Variants in LRRC4C observed in about 807,000 individuals in gnomAD.
The protein encoded by LRRC4C is leucine rich repeat containing 4C.
In LRRC4C, 5 loss-of-function variants were observed where a neutral mutation model predicts 33.6. The ratio of observed to expected loss-of-function variants is 0.15; its 90% CI spans 0.08 to 0.31. The LOEUF (loss-of-function observed/expected upper bound fraction) is 0.31. LRRC4C is among the 10% of genes least tolerant of loss of function. The pLI, the probability that LRRC4C is intolerant of heterozygous loss-of-function variation, is 1.00. For missense variants in LRRC4C, 560 were observed against 796.7 expected (o/e 0.70, Z 3.58); for synonymous variants, 329 against 302.0 (o/e 1.09, Z -0.93).
intron 4 of LRRC4C, among the ~76,000 whole-genome samples, chr11:40,282,182 C>T (rs1943522972): frequency 6.6e-6 from 1 of 152,168 alleles, no homozygotes; most frequent in African/African-American, 2.4e-5. Context: ...AACCCTGTCT[C>T]TAAAATACAA....
intron 1 of LRRC4C, among the ~76,000 whole-genome samples, chr11:41,308,303 G>T (rs1542201): frequency 0.13 from 19,354 of 152,130 alleles, 1,358 homozygotes; most frequent in Middle Eastern, 0.24. Context: ...CCTGGTGAAA[G>T]ATTTTTTTTT....
chr11:40,560,427 T>G (rs1957502648), intron 3 of LRRC4C, among the ~76,000 whole-genome samples: 1 of 132,414 alleles, frequency 7.6e-6, no homozygotes, highest in East Asian at 2.5e-4. Flanking sequence ...CAACCAATGA[T>G]GTGTGTGCCT....
chr11:40,827,983 C>A (rs552058529), intron 2 of LRRC4C, among the ~76,000 whole-genome samples: 1 of 151,710 alleles, frequency 6.6e-6, no homozygotes, highest in South Asian at 2.1e-4. Context: ...TGTTTAGATT[C>A]TTTTAGAGTC....
At chr11:40,803,470 C>A (rs1255405312) in intron 2 of LRRC4C, among the ~76,000 whole-genome samples, 1 of 151,998 alleles carries the variant, frequency 6.6e-6, no homozygotes, top group Non-Finnish European at 1.5e-5. Flanking sequence ...TTACTATGTC[C>A]CAGAAATTGG....
intron 2 of LRRC4C, among the ~76,000 whole-genome samples, chr11:40,870,177 T>C (rs933748048): frequency 3.3e-5 from 5 of 152,194 alleles, no homozygotes; most frequent in African/African-American, 1.2e-4. Context: ...TAAAGTTATA[T>C]AAAAATATTA....
At chr11:40,649,475 G>T (rs1014448573) in intron 2 of LRRC4C, among the ~76,000 whole-genome samples, 1 of 152,096 alleles carries the variant, frequency 6.6e-6, no homozygotes. Context: ...AGACCATATG[G>T]TTGTCTCCCC....
chr11:40,751,856 A>G (rs1178120318), intron 2 of LRRC4C, among the ~76,000 whole-genome samples: 2 of 152,182 alleles, frequency 1.3e-5, no homozygotes, highest in African/African-American at 4.8e-5. Context: ...TTCAAAATAT[A>G]TTACTAGGCT....
chr11:40,630,724 A>T (rs1352031444), intron 3 of LRRC4C, among the ~76,000 whole-genome samples: 3 of 152,170 alleles, frequency 2.0e-5, no homozygotes, highest in Non-Finnish European at 4.4e-5. Flanking sequence ...TCACCAGAAC[A>T]TAACCAAGTT....
chr11:41,428,943 C>T (rs938754298), intron 1 of LRRC4C, among the ~76,000 whole-genome samples: 3 of 152,212 alleles, frequency 2.0e-5, no homozygotes, highest in Middle Eastern at 3.4e-3. Flanking sequence ...AACATCTACA[C>T]AGAGTTCAAT....
At chr11:41,269,272 C>T (rs1408153955) in intron 1 of LRRC4C, among the ~76,000 whole-genome samples, 1 of 1,274 alleles carries the variant, frequency 7.8e-4, no homozygotes, top group African/African-American at 1.6e-3. Context: ...AAATTGGGCT[C>T]CTTTTATTAT....
chr11:40,399,120 A>G (rs898740774), intron 3 of LRRC4C, among the ~76,000 whole-genome samples: 3 of 152,156 alleles, frequency 2.0e-5, no homozygotes, highest in African/African-American at 7.2e-5. Flanking sequence ...GGATGGTAGA[A>G]GAGTTAGAAA....
chr11:40,805,488 T>C (rs1177761723), intron 2 of LRRC4C, among the ~76,000 whole-genome samples: 1 of 152,214 alleles, frequency 6.6e-6, no homozygotes, highest in Non-Finnish European at 1.5e-5. Context: ...CATATCTTAA[T>C]ACTCTATTTT....
intron 1 of LRRC4C, among the ~76,000 whole-genome samples, chr11:41,403,461 A>G (rs915257253): frequency 2.0e-5 from 3 of 152,110 alleles, no homozygotes; most frequent in African/African-American, 7.2e-5. Flanking sequence ...CAAAATTCAC[A>G]TGCTTAAATC....
At chr11:40,241,404 A>G (rs913152109) in intron 5 of LRRC4C, 115 bp downstream of exon 5, 1 of 152,182 alleles carries the variant, frequency 6.6e-6, no homozygotes, top group Non-Finnish European at 1.5e-5. Flanking sequence ...AAATAAATAA[A>G]TAAATAACAG....
At chr11:41,132,421 AACAG>A (rs1943057404) in intron 1 of LRRC4C, among the ~76,000 whole-genome samples, 1 of 152,138 alleles carries the variant, frequency 6.6e-6, no homozygotes, top group Non-Finnish European at 1.5e-5. Context: ...AAGTTGCAGA[AACAG>A]ACATTTATAG....
chr11:40,605,634 A>G (rs1211280399), intron 3 of LRRC4C, among the ~76,000 whole-genome samples: 1 of 152,124 alleles, frequency 6.6e-6, no homozygotes, highest in African/African-American at 2.4e-5. Flanking sequence ...ACAGAAACAT[A>G]TGCCCATTTT....
intron 1 of LRRC4C, among the ~76,000 whole-genome samples, chr11:41,189,655 C>A (rs954279944): frequency 2.6e-5 from 4 of 152,100 alleles, no homozygotes; most frequent in Non-Finnish European, 5.9e-5. Flanking sequence ...TGACCACATG[C>A]CCCAAGGTGA....
At chr11:40,496,718 A>T (rs1318041282) in intron 3 of LRRC4C, among the ~76,000 whole-genome samples, 1 of 152,100 alleles carries the variant, frequency 6.6e-6, no homozygotes, top group Non-Finnish European at 1.5e-5. Flanking sequence ...GGGAGATAGA[A>T]ACATATGGGG....
chr11:40,433,053 T>A (rs1273065001), intron 3 of LRRC4C, among the ~76,000 whole-genome samples: 1 of 152,160 alleles, frequency 6.6e-6, no homozygotes, highest in Non-Finnish European at 1.5e-5. Context: ...TTTAACTTAC[T>A]AAACCACATA....
Sources: allele counts gnomAD v4.1 joint callset (sites outside exome capture counted in the v4.1 genomes callset), GRCh38; gene constraint gnomAD v4.1.1; transcripts MANE v1.5; gene names NCBI Gene and HGNC (gene_info 2026-07-23, HGNC 2026-07-21).